CCN6: variants seen among roughly 807,000 people sequenced by gnomAD.
CCN6 encodes CCN family member 6.
In CCN6, 31 loss-of-function variants were observed where a neutral mutation model predicts 37.4. The observed-to-expected ratio is 0.83, with a 90% CI of 0.62 to 1.12. The LOEUF is 1.12. CCN6 is among the 50% of genes most tolerant of loss of function. The pLI, the probability that CCN6 is intolerant of heterozygous loss-of-function variation, is 0.00. For missense variants in CCN6, 369 were observed against 413.8 expected, an observed-to-expected ratio of 0.89 and a Z score of 0.94; for synonymous variants, 137 against 142.1, an observed-to-expected ratio of 0.96 and a Z score of 0.26.
rs1776288394 is a variant in CCN6 at position 112,054,557 on chromosome 6, C to G, written c.48+152C>G. ...GAGAAATAGGAAGCCATTTTTCTTT[C>G]CAAATAAAGTTCTGTGTTCGTTCAT... On this transcript the variant is annotated intron_variant, in intron 1 of 4. Transcript: ENST00000368666. 6.9e-6 allele frequency: 5 copies of G among 727,292 alleles called. No individual in the cohort carries two copies. In the East Asian group the frequency reaches 1.3e-4, roughly 20 times the overall value. 45.1% of individuals were successfully genotyped at this position (727,292 alleles called of 1,614,324 possible).
chr6:112,054,146 G>A lies in CCN6; in HGVS notation c.-212G>A. On this transcript the variant is annotated 5_prime_UTR_variant, in exon 1 of 5. Coordinates refer to ENST00000368666, the MANE Select transcript of CCN6 (RefSeq NM_198239.2). ...CGCTCACTGCGAAGGCAGGTTATTA[G>A]AAGAGTCCCATGAAAGTAAACAGGG... 3.9e-6 allele frequency: 3 copies of A among 769,692 alleles called. No individual in the cohort carries two copies. In the Admixed American group the frequency reaches 5.5e-5, roughly 14 times the overall value. The allele number at this position is 769,692 out of a possible 1,614,324, so 47.7% of individuals were successfully genotyped here.
chr6:112,068,865 A>G (rs140113218), intron 4 of CCN6, among the ~76,000 whole-genome samples: 173 of 151,404 alleles, frequency 1.1e-3, no homozygotes, highest in African/African-American at 4.0e-3. Flanking sequence ...GTCTGTCTCA[A>G]AAAGGGTAAT....
chr6:112,064,661 G>A, intron 2 of CCN6, 94 bp from the exon 3 acceptor site: 1 of 1,578,380 alleles, frequency 6.3e-7, no homozygotes, highest in Non-Finnish European at 8.7e-7. Flanking sequence ...ACTTCATACA[G>A]GAGATGATCC....
intron 2 of CCN6, among the ~76,000 whole-genome samples, chr6:112,064,456 A>G (rs79532283): frequency 6.6e-6 from 1 of 152,238 alleles, no homozygotes; most frequent in Non-Finnish European, 1.5e-5. Context: ...CTCACTAGGC[A>G]TTAACCTGTC....
chr6:112,067,070 G>A, intron 3 of CCN6: 2 of 1,347,368 alleles, frequency 1.5e-6, no homozygotes, highest in Non-Finnish European at 2.0e-6. Context: ...TCAGTTCTAT[G>A]TGCAATTGCA....
rs79059704 is a variant in CCN6 at position 112,069,224 on chromosome 6, G to A, written c.784-115G>A. 182 of 1,226,424 alleles carry A rather than the reference G, an allele frequency of 1.5e-4. No individual in the cohort carries two copies. The African/African-American group carries it at 2.4e-3, about 16-fold the overall frequency. The allele number at this position is 1,226,424 out of a possible 1,614,324, so 76.0% of individuals were successfully genotyped here. A position where few individuals can be genotyped will look rare whatever the true frequency, so the allele number is the denominator to read the frequency against. On this transcript the variant is annotated intron_variant, in intron 4 of 4. Coordinates refer to ENST00000368666, the MANE Select transcript of CCN6 (RefSeq NM_198239.2). ...AGAGAGTGCTGGAAATCACTACATA[G>A]CAACTTTTATTAATGCCTCCAAATA...
intron 2 of CCN6, among the ~76,000 whole-genome samples, 164 bp from the exon 3 acceptor site, chr6:112,064,591 C>A (rs1776621554): frequency 6.6e-6 from 1 of 152,164 alleles, no homozygotes; most frequent in South Asian, 2.1e-4. Context: ...ACTTTAGAAA[C>A]CTTTCTACAG....
At chr6:112,060,054 C>T (rs1554312472) in intron 1 of CCN6, 1 of 1,366,442 alleles carries the variant, frequency 7.3e-7, no homozygotes, top group Admixed American at 1.9e-5. Flanking sequence ...AGTCAGAGAA[C>T]AAGGACGCTG....
intron 3 of CCN6, among the ~76,000 whole-genome samples, chr6:112,065,656 GCACA>G (rs1334465136): frequency 7.5e-6 from 1 of 132,736 alleles, no homozygotes; most frequent in East Asian, 2.2e-4. Flanking sequence ...ACACACACAT[GCACA>G]CACACAGGCA....
Position 112,065,858 on chromosome 6 carries a change from C to T in CCN6, c.589+861C>T, listed in dbSNP as rs150550839. Reference sequence around the variant, plus strand: ...TTTGGGAACAGGAGTTTCAGAACCACCAGCAAATAAAGTATAGAGGAGGAG... The same window carrying T: ...TTTGGGAACAGGAGTTTCAGAACCATCAGCAAATAAAGTATAGAGGAGGAG... On this transcript the variant is annotated intron_variant, in intron 3 of 4. Transcript: ENST00000368666. Among the ~76,000 whole-genome samples the T allele has an allele frequency of 2.1e-3, 313 of 152,204 alleles. 3 individuals are homozygous for T. Among genetic ancestry groups the T allele is most frequent in the African/African-American group, 7.3e-3 (305 of 41,524 alleles).
chr6:112,055,652 G>A (rs1321362689), intron 1 of CCN6, among the ~76,000 whole-genome samples: 19 of 152,028 alleles, frequency 1.2e-4, no homozygotes, highest in Middle Eastern at 3.2e-3. Context: ...GTGCAGTGGT[G>A]CAGTCTTGGG....
intron 2 of CCN6, among the ~76,000 whole-genome samples, chr6:112,063,744 T>TA (rs1776596527): frequency 6.6e-6 from 1 of 152,224 alleles, no homozygotes; most frequent in Non-Finnish European, 1.5e-5. Flanking sequence ...CAAGTCTGAA[T>TA]AACCAGTTTA....
intron 1 of CCN6, among the ~76,000 whole-genome samples, chr6:112,058,846 GA>G (rs1262270522): frequency 1.3e-5 from 2 of 152,228 alleles, no homozygotes; most frequent in Non-Finnish European, 2.9e-5. Flanking sequence ...GGGAGAGGAA[GA>G]AATCCAGATG....
intron 1 of CCN6, chr6:112,060,035 T>G: frequency 1.5e-6 from 2 of 1,365,976 alleles, no homozygotes; most frequent in Non-Finnish European, 2.0e-6. Context: ...AGGGGCAGAG[T>G]GTGCTTGGAG....
At chr6:112,054,508 C>A in intron 1 of CCN6, 103 bp downstream of exon 1, 1 of 1,126,742 alleles carries the variant, frequency 8.9e-7, no homozygotes, top group Non-Finnish European at 1.3e-6. Flanking sequence ...GAGGGAGGAT[C>A]AATGGCTTGT....
chr6:112,057,512 T>C (rs116742946), intron 1 of CCN6, among the ~76,000 whole-genome samples: 3,521 of 152,156 alleles, frequency 0.023, 148 homozygotes, highest in African/African-American at 0.082. Context: ...CACTGAATCG[T>C]CATAGGAGGT....
chr6:112,068,148 CTATT>C, intron 3 of CCN6, 53 bp from the exon 4 acceptor site: 1 of 1,307,088 alleles, frequency 7.7e-7, no homozygotes, highest in Non-Finnish European at 1.0e-6. Flanking sequence ...TAAAAATTAT[CTATT>C]TATACAAGTA....
chr6:112,054,870 T>C (rs782501734), intron 1 of CCN6: 2 of 202,306 alleles, frequency 9.9e-6, no homozygotes, highest in African/African-American at 2.3e-5. Context: ...CACTTTGGAA[T>C]AAACATTTAC....
Position 112,054,326 on chromosome 6 carries a change from A to G in CCN6, c.-32A>G, listed in dbSNP as rs587736142. The G allele has an allele frequency of 3.1e-6, 5 of 1,613,786 alleles. No individual in the cohort carries two copies. In the South Asian group the frequency reaches 3.3e-5, roughly 11 times the overall value. The stretch of plus-strand genomic sequence containing the variant: ...GCAATGAACAAGCGGCGACTTCTCT[A>G]CCCCTCAGGGTGGCTCCACGGTCCC... On this transcript the variant is annotated 5_prime_UTR_variant, in exon 1 of 5. Coordinates refer to ENST00000368666, the MANE Select transcript of CCN6 (RefSeq NM_198239.2).
Sources: gnomAD v4.1 joint callset for allele counts (sites outside exome capture counted in the v4.1 genomes callset) on GRCh38, gnomAD v4.1.1 for gene constraint, MANE v1.5 for transcripts, NCBI Gene and HGNC (gene_info 2026-07-23, HGNC 2026-07-21) for gene names.